Variants in SOS2 observed in about 807,000 individuals in gnomAD.
SOS2 encodes the protein SOS Ras/Rho guanine nucleotide exchange factor 2.
SOS2 carries 65 observed loss-of-function variants against 148.2 expected under a neutral mutation model. That is an observed-to-expected ratio of 0.44 (90% CI 0.36 to 0.54). The LOEUF is 0.54. Ranked by LOEUF, SOS2 falls within the 20% of genes least tolerant of loss-of-function variation. SOS2 has a pLI of 0.00. For synonymous variants in SOS2, 539 were observed against 537.1 expected (o/e 1.00, Z -0.05); for missense variants, 1,341 against 1,590.2 (o/e 0.84, Z 2.67).
chr14:50,128,072 C>T (rs933420795), intron 21 of SOS2, among the ~76,000 whole-genome samples: 3 of 152,086 alleles, frequency 2.0e-5, no homozygotes, highest in South Asian at 2.1e-4. Flanking sequence ...TCTTTTCTCA[C>T]GTAGCTACTA....
At position 50,161,439 on chromosome 14, in the gene SOS2, G is replaced by T. The variant is rs765684381; in HGVS notation, c.1196+43C>A. 56 of 1,546,204 alleles carry T rather than the reference G, an allele frequency of 3.6e-5. No homozygotes were observed. In the South Asian group the frequency reaches 6.3e-4, roughly 17 times the overall value. On this transcript the variant is annotated intron_variant, in intron 9 of 22. Transcript: ENST00000216373. ...TTGAAAACCAGGCATCAGAGACAGC[G>T]AAGTAAGCAGAGGCATTCACGTTTT...
Position 50,118,187 on chromosome 14 carries a change from T to C in SOS2, c.*157A>G, listed in dbSNP as rs1043067391. The C allele has an allele frequency of 2.7e-5, 18 of 673,022 alleles. No homozygotes were observed. The Admixed American group carries it at 5.2e-4, about 20-fold the overall frequency. 41.7% of individuals were successfully genotyped at this position (673,022 alleles called of 1,614,324 possible). On this transcript the variant is annotated 3_prime_UTR_variant, in exon 23 of 23. Transcript: ENST00000216373. The stretch of plus-strand genomic sequence containing the variant: ...GATAATGGTGAAGGACTTTTGTATT[T>C]TTATTTTTCCAATTCTTAAAAGCTT...
At position 50,159,896 on chromosome 14, in the gene SOS2, C is replaced by A; in HGVS notation, c.1387G>T (p.Asp463Tyr). The A allele has an allele frequency of 6.2e-7, 1 of 1,614,136 alleles. No individual in the cohort carries two copies. Among genetic ancestry groups the A allele is most frequent in the Non-Finnish European group, 8.5e-7 (1 of 1,180,020 alleles). The change falls in exon 10 of 23, where the codon GAT becomes TAT. Residue 463 changes from aspartate (D) to tyrosine (Y), a missense_variant. Coordinates refer to ENST00000216373, the MANE Select transcript of SOS2 (RefSeq NM_006939.4). ...GGTTTACAACTGATCATTAAGCCAT[C>A]AAACAGAAAAATATGCCGTTCATGT... is the stretch of plus-strand genomic sequence containing the variant. ...AKHERHIFLF[D>Y]GLMISCKPNH...
chr14:50,184,657 A>T (rs1885849423), intron 5 of SOS2, among the ~76,000 whole-genome samples: 1 of 151,992 alleles, frequency 6.6e-6, no homozygotes. Context: ...CCTCTAAAAA[A>T]TTGGGGAAAG....
chr14:50,173,700 C>A (rs748296780), intron 8 of SOS2, among the ~76,000 whole-genome samples: 1 of 152,144 alleles, frequency 6.6e-6, no homozygotes, highest in African/African-American at 2.4e-5. Flanking sequence ...GGATTACAGG[C>A]GTGAACCACC....
chr14:50,199,911 A>T, intron 3 of SOS2, 56 bp from the exon 4 acceptor site: 1 of 1,125,190 alleles, frequency 8.9e-7, no homozygotes, highest in South Asian at 1.5e-5. Context: ...AGTATTACAC[A>T]CTTAAAAAAT....
chr14:50,210,650 A>G (rs974561391), intron 1 of SOS2, among the ~76,000 whole-genome samples: 4 of 152,050 alleles, frequency 2.6e-5, no homozygotes, highest in African/African-American at 4.8e-5. Context: ...CAAAAGGCTC[A>G]TATCTAGAAT....
At chr14:50,179,230 GA>G (rs1885642583) in intron 7 of SOS2, among the ~76,000 whole-genome samples, 2 of 151,908 alleles carry the variant, frequency 1.3e-5, no homozygotes, top group Non-Finnish European at 2.9e-5. Flanking sequence ...TGGCTGCAAA[GA>G]AAAAATGAGA....
chr14:50,197,689 C>CTTTTTTTTTTTTTTTTTTTTTTT lies in SOS2; in HGVS notation c.510+2001_510+2002insAAAAAAAAAAAAAAAAAAAAAAA, dbSNP rs35121759. ...TCTTGAATAAAGTCAGCTTTACCAC[C>CTTTTTTTTTTTTTTTTTTTTTTT]TTTTTTTTTTTTTTTTTTTGAAACA... On this transcript the variant is annotated intron_variant, in intron 4 of 22. Transcript: ENST00000216373. Among the ~76,000 whole-genome samples, 2 of 125,852 alleles carry CTTTTTTTTTTTTTTTTTTTTTTT rather than the reference C, an allele frequency of 1.6e-5. 1 individual carries two copies. The allele number at this position is 125,852 out of a possible 152,430, so 82.6% of individuals were successfully genotyped here.
At chr14:50,189,853 T>A (rs962851430) in intron 4 of SOS2, among the ~76,000 whole-genome samples, 1 of 125,656 alleles carries the variant, frequency 8.0e-6, no homozygotes, top group Non-Finnish European at 1.6e-5. Context: ...ATTTTTTATT[T>A]TTTTTTTTTT....
intron 18 of SOS2, among the ~76,000 whole-genome samples, chr14:50,135,403 C>T (rs1223218909): frequency 6.6e-6 from 1 of 150,506 alleles, no homozygotes; most frequent in East Asian, 1.9e-4. Flanking sequence ...TTTAGCACTG[C>T]CAAAAAAAGA....
At chr14:50,198,237 G>T (rs1217529631) in intron 4 of SOS2, among the ~76,000 whole-genome samples, 1 of 151,688 alleles carries the variant, frequency 6.6e-6, no homozygotes, top group African/African-American at 2.4e-5. Flanking sequence ...GTAGCAGAAT[G>T]TTCTTGTTTA....
chr14:50,224,346 CACACACACACACACACACAT>C (rs1887298219), intron 1 of SOS2, among the ~76,000 whole-genome samples: 1 of 146,844 alleles, frequency 6.8e-6, no homozygotes, highest in Non-Finnish European at 1.5e-5. Context: ...CACACACACA[CACACACACACACACACACAT>C]ATATATAAAT....
chr14:50,200,851 ACACT>A (rs1886463440), intron 3 of SOS2, 98 bp downstream of exon 3: 1 of 1,021,432 alleles, frequency 9.8e-7, no homozygotes, highest in African/African-American at 1.6e-5. Context: ...GCACATATAC[ACACT>A]AACACAGACC....
At chr14:50,201,184 G>T in intron 2 of SOS2, 100 bp from the exon 3 acceptor site, 1 of 1,078,364 alleles carries the variant, frequency 9.3e-7, no homozygotes, top group Non-Finnish European at 1.4e-6. Flanking sequence ...AATGCTAGCA[G>T]ATAATAGTGA....
intron 16 of SOS2, 121 bp from the exon 17 acceptor site, chr14:50,140,180 A>G: frequency 1.8e-6 from 1 of 567,418 alleles, no homozygotes; most frequent in Non-Finnish European, 3.2e-6. Flanking sequence ...TTACATTAAA[A>G]GATGAGTGGT....
intron 1 of SOS2, among the ~76,000 whole-genome samples, chr14:50,218,180 T>C (rs1346014860): frequency 8.7e-6 from 1 of 115,306 alleles, no homozygotes; most frequent in Non-Finnish European, 1.8e-5. Context: ...AAAAAGATAG[T>C]ATTAAGAGAA....
Position 50,209,960 on chromosome 14 carries a change from C to T in SOS2, c.88-5551G>A, listed in dbSNP as rs191652376. On this transcript the variant is annotated intron_variant, in intron 1 of 22. Coordinates refer to ENST00000216373, the MANE Select transcript of SOS2 (RefSeq NM_006939.4). ...TGAATTCTCTCAAAATTGATACATG[C>T]AGTTATAAAATCACAATCAAATCCA... Among the ~76,000 whole-genome samples the T allele has an allele frequency of 1.6e-3, 249 of 152,240 alleles. 1 individual carries two copies. The highest frequency in any genetic ancestry group is 5.7e-3 in the African/African-American group (238 of 41,528).
chr14:50,196,033 G>C (rs762478682), intron 4 of SOS2, among the ~76,000 whole-genome samples: 1 of 151,646 alleles, frequency 6.6e-6, no homozygotes, highest in Non-Finnish European at 1.5e-5. Flanking sequence ...TCTCAAAAAA[G>C]AAAAAAAACA....
Sources: allele counts gnomAD v4.1 joint callset (sites outside exome capture counted in the v4.1 genomes callset), GRCh38; gene constraint gnomAD v4.1.1; transcripts MANE v1.5; gene names NCBI Gene and HGNC (gene_info 2026-07-23, HGNC 2026-07-21).